The following PARD3B variants were observed in gnomAD, a reference collection of about 807,000 sequenced individuals.
PARD3B encodes partitioning defective 3 homolog B.
Under a neutral mutation model 130.2 loss-of-function variants are expected in PARD3B, and 103 were observed. The observed-to-expected ratio is 0.79, with a 90% confidence interval of 0.67 to 0.93. The LOEUF (loss-of-function observed/expected upper bound fraction) is 0.93, where lower values mean the gene tolerates loss of function less well. Among genes scored for constraint, PARD3B ranks in the 40% least tolerant of loss-of-function variants. The pLI is 0.00. For synonymous variants in PARD3B, 583 were observed against 553.2 expected (o/e 1.05, Z -0.76); for missense variants, 1,609 against 1,499.2 (o/e 1.07, Z -1.21).
intron 2 of PARD3B, among the ~76,000 whole-genome samples, chr2:204,794,094 G>C (rs959059435): frequency 1.3e-5 from 2 of 152,124 alleles, no homozygotes; most frequent in African/African-American, 4.8e-5. Flanking sequence ...CAGGTAGTTA[G>C]TAGACTTGGA....
chr2:204,625,038 A>G (rs1311691818), intron 1 of PARD3B, among the ~76,000 whole-genome samples: 1 of 151,842 alleles, frequency 6.6e-6, no homozygotes, highest in African/African-American at 2.4e-5. Context: ...AATCTTTCTT[A>G]ATGTCTTTAA....
intron 20 of PARD3B, among the ~76,000 whole-genome samples, chr2:205,475,994 G>A (rs1350078609): frequency 1.3e-5 from 2 of 152,132 alleles, no homozygotes; most frequent in Non-Finnish European, 2.9e-5. Context: ...TTTTACACAG[G>A]AAAATAGATT....
intron 2 of PARD3B, among the ~76,000 whole-genome samples, chr2:204,955,690 T>G (rs575124649): frequency 6.6e-6 from 1 of 152,322 alleles, no homozygotes; most frequent in East Asian, 1.9e-4. Flanking sequence ...GGATTTCTTA[T>G]GAGTATGAAA....
chr2:205,525,917 G>GAATC lies in PARD3B; in HGVS notation c.3180+25887_3180+25890dup, dbSNP rs889302025. Among the ~76,000 whole-genome samples the GAATC allele has an allele frequency of 2.0e-5, 3 of 152,190 alleles. No homozygotes were observed. Among genetic ancestry groups the GAATC allele is most frequent in the African/African-American group, 7.2e-5 (3 of 41,462 alleles). ...TGATCCTTTTTCAAAAATCATCTTA[G>GAATC]AATCGAACCAGTCTTACTCTGATTT... is the stretch of plus-strand genomic sequence containing the variant. On this transcript the variant is annotated intron_variant, in intron 21 of 22. Coordinates refer to ENST00000406610, the MANE Select transcript of PARD3B (RefSeq NM_001302769.2). The surrounding 1 kb of genome is among the most constrained non-coding windows in gnomAD (Gnocchi z 4.2).
At chr2:205,141,242 T>C (rs1423953082) in intron 10 of PARD3B, among the ~76,000 whole-genome samples, 1 of 152,194 alleles carries the variant, frequency 6.6e-6, no homozygotes, top group African/African-American at 2.4e-5. Flanking sequence ...ACTTTGTGCT[T>C]GCTTACAAAC....
intron 4 of PARD3B, among the ~76,000 whole-genome samples, chr2:205,074,113 C>G (rs934521112): frequency 6.6e-6 from 1 of 152,056 alleles, no homozygotes; most frequent in Non-Finnish European, 1.5e-5. Flanking sequence ...CTAGTTGGAT[C>G]CATTCATTCC....
intron 1 of PARD3B, among the ~76,000 whole-genome samples, chr2:204,604,610 G>T (rs1451208576): frequency 2.6e-5 from 4 of 152,152 alleles, no homozygotes; most frequent in Non-Finnish European, 5.9e-5. Context: ...AGAAGCACCT[G>T]CATGGTAGGA....
At chr2:205,420,052 C>T (rs981224855) in intron 19 of PARD3B, among the ~76,000 whole-genome samples, 1 of 152,182 alleles carries the variant, frequency 6.6e-6, no homozygotes, top group East Asian at 1.9e-4. Flanking sequence ...TTCAATTAAC[C>T]GTAACACACC....
intron 4 of PARD3B, among the ~76,000 whole-genome samples, chr2:205,068,354 C>A (rs1369110451): frequency 6.6e-6 from 1 of 152,146 alleles, no homozygotes; most frequent in Admixed American, 6.6e-5. Context: ...CTCCACCTAA[C>A]CCCAATATTG....
At chr2:205,147,302 T>C (rs1005237690) in intron 10 of PARD3B, among the ~76,000 whole-genome samples, 2 of 152,208 alleles carry the variant, frequency 1.3e-5, no homozygotes. Context: ...TTGAATTTTC[T>C]GATCTTTCAA....
intron 2 of PARD3B, among the ~76,000 whole-genome samples, chr2:204,691,481 G>A (rs1384927342): frequency 1.3e-5 from 2 of 152,026 alleles, no homozygotes; most frequent in Non-Finnish European, 2.9e-5. Context: ...GTATTCAAAT[G>A]TTATAATTTC....
intron 20 of PARD3B, among the ~76,000 whole-genome samples, chr2:205,453,676 C>T (rs1369069028): frequency 6.6e-6 from 1 of 152,162 alleles, no homozygotes; most frequent in Non-Finnish European, 1.5e-5. Context: ...GTTTTTCAAA[C>T]TTCATGTTAC....
chr2:204,978,789 C>G (rs1692409170), intron 3 of PARD3B, among the ~76,000 whole-genome samples: 1 of 152,070 alleles, frequency 6.6e-6, no homozygotes, highest in South Asian at 2.1e-4. Flanking sequence ...TGGCAAAACT[C>G]TGTCTCTACT....
Position 204,673,421 on chromosome 2 carries a change from C to T in PARD3B, c.121-12760C>T, listed in dbSNP as rs181234783. ...GGCAAGGGTAGAGAGGTGGTTACTACCACTTGGTGTTTTTGCATCTCCACC... is the reference window on the plus strand; with the variant it reads ...GGCAAGGGTAGAGAGGTGGTTACTATCACTTGGTGTTTTTGCATCTCCACC... On this transcript the variant is annotated intron_variant, in intron 1 of 22. Coordinates refer to ENST00000406610, the MANE Select transcript of PARD3B (RefSeq NM_001302769.2). The surrounding 1 kb of genome is among the most constrained non-coding windows in gnomAD (Gnocchi z 4.7). Among the ~76,000 whole-genome samples the T allele has an allele frequency of 5.9e-4, 90 of 152,302 alleles. No individual in the cohort carries two copies. The highest frequency in any genetic ancestry group is 1.2e-3 in the Non-Finnish European group (80 of 68,026).
At chr2:205,034,222 A>C (rs182681249) in intron 3 of PARD3B, among the ~76,000 whole-genome samples, 8 of 152,236 alleles carry the variant, frequency 5.3e-5, no homozygotes, top group Admixed American at 3.9e-4. Context: ...TCAATTTGGC[A>C]TGCCTCTGTT....
chr2:205,461,869 A>G lies in PARD3B; in HGVS notation c.3044+21197A>G, dbSNP rs1486468520. 6.6e-6 allele frequency among the ~76,000 whole-genome samples: 1 copy of G among 152,158 alleles called. No individual in the cohort carries two copies. The highest frequency in any genetic ancestry group is 1.5e-5 in the Non-Finnish European group (1 of 68,022). On this transcript the variant is annotated intron_variant, in intron 20 of 22. Coordinates refer to ENST00000406610, the MANE Select transcript of PARD3B (RefSeq NM_001302769.2). This position sits in a 1 kb window ranked among gnomAD's most constrained non-coding sequence, Gnocchi z 4.3. ...GTGTCTTTCTTCTTTCAGCAGTTTA[A>G]TAGTCATCATCAGTTCCTTAACTGA... is the stretch of plus-strand genomic sequence containing the variant.
In PARD3B at chr2:205,335,826, C is replaced by A. The variant is rs149655584; in HGVS notation, c.2630+34125C>A. Reference sequence around the variant, plus strand: ...AGATCTTGTGAGACTCATTCACTATCATGAGAACAGCACAGGTAAGACCCG... The same window carrying A: ...AGATCTTGTGAGACTCATTCACTATAATGAGAACAGCACAGGTAAGACCCG... On this transcript the variant is annotated intron_variant, in intron 18 of 22. Transcript: ENST00000406610. Among the ~76,000 whole-genome samples the A allele has an allele frequency of 6.0e-4, 92 of 152,278 alleles. 1 individual carries two copies. In the East Asian group the frequency reaches 0.015, roughly 25 times the overall value.
intron 16 of PARD3B, among the ~76,000 whole-genome samples, chr2:205,259,047 G>T (rs2040201793): frequency 6.6e-6 from 1 of 152,044 alleles, no homozygotes; most frequent in Non-Finnish European, 1.5e-5. Flanking sequence ...AAGGAACTGA[G>T]AACCCTTTAG....
At chr2:205,283,100 A>T (rs1246946576) in intron 16 of PARD3B, among the ~76,000 whole-genome samples, 1 of 152,200 alleles carries the variant, frequency 6.6e-6, no homozygotes, top group East Asian at 1.9e-4. Context: ...CTATTCAGCA[A>T]ATGGCTGCTC....
Sources: allele counts gnomAD v4.1 joint callset (sites outside exome capture counted in the v4.1 genomes callset), GRCh38; gene constraint gnomAD v4.1.1; non-coding constraint Gnocchi (gnomAD v3.1); transcripts MANE v1.5; gene names NCBI Gene and HGNC (gene_info 2026-07-23, HGNC 2026-07-21).